STX2: variants seen among roughly 807,000 people sequenced by gnomAD.
The protein encoded by STX2 is syntaxin 2, also known as syntaxin-2.
Under a neutral mutation model 40.6 loss-of-function variants are expected in STX2, and 27 were observed. The ratio of observed to expected loss-of-function variants is 0.66; its 90% CI spans 0.49 to 0.92. STX2 has a LOEUF of 0.92. STX2 is among the 40% of genes least tolerant of loss of function. The pLI is 0.00. For synonymous variants in STX2, 123 were observed against 119.1 expected (o/e 1.03, Z -0.22); for missense variants, 328 against 366.1 (o/e 0.90, Z 0.85).
rs1337970905 is a variant in STX2 at position 130,827,350 on chromosome 12, T to TACCC, written c.31-87_31-84dup. ...GAACTGAAATACAAAAACAGTTCAA[T>TACCC]ACCCACAAGATCTCAACTCACTACA... On this transcript the variant is annotated intron_variant, in intron 1 of 10. Transcript: ENST00000392373. The TACCC allele has an allele frequency of 1.0e-5, 11 of 1,059,600 alleles. No homozygotes were observed. In the African/African-American group the frequency reaches 1.7e-4, roughly 17 times the overall value. 65.6% of individuals were successfully genotyped at this position (1,059,600 alleles called of 1,614,324 possible).
intron 3 of STX2, among the ~76,000 whole-genome samples, chr12:130,818,358 C>T (rs1408452900): frequency 6.8e-6 from 1 of 148,142 alleles, no homozygotes; most frequent in African/African-American, 2.5e-5. Flanking sequence ...GCCTGGTCGA[C>T]ACAGGGAGAC....
chr12:130,798,378 C>CA (rs1399606399), intron 9 of STX2, 147 bp downstream of exon 9: 20 of 507,194 alleles, frequency 3.9e-5, no homozygotes, highest in East Asian at 7.3e-5. Context: ...AAATTTTTAG[C>CA]AAAAAAAATT....
chr12:130,826,628 AAAC>A (rs767052518), intron 2 of STX2, among the ~76,000 whole-genome samples: 14 of 152,222 alleles, frequency 9.2e-5, no homozygotes, highest in Non-Finnish European at 1.5e-4. Flanking sequence ...TACGTAATTC[AAAC>A]AACAACTTTT....
rs1238171217 is a variant in STX2, at chr12:130,812,445, T to C, written c.280+512A>G. 3 of 418,506 alleles carry C rather than the reference T, an allele frequency of 7.2e-6. No homozygotes were observed. The Admixed American group carries it at 9.0e-5, about 13-fold the overall frequency. The allele number at this position is 418,506 out of a possible 1,614,324, so 25.9% of individuals were successfully genotyped here. A position where few individuals can be genotyped will look rare whatever the true frequency, so the allele number is the denominator to read the frequency against. ...TCTGCTTCTGCACACATCTGAAACC[T>C]GCCGTAATAAAAGTATTTTATCATC... On this transcript the variant is annotated intron_variant, in intron 4 of 10. Transcript: ENST00000392373.
intron 10 of STX2, among the ~76,000 whole-genome samples, chr12:130,794,779 G>A (rs939708540): frequency 3.9e-5 from 6 of 152,146 alleles, no homozygotes; most frequent in Non-Finnish European, 5.9e-5. Flanking sequence ...CCTTTCTGCT[G>A]TATGTTAACT....
intron 2 of STX2, among the ~76,000 whole-genome samples, chr12:130,823,271 C>T (rs1952183253): frequency 6.6e-6 from 1 of 152,164 alleles, no homozygotes; most frequent in African/African-American, 2.4e-5. Flanking sequence ...GTGACTGCAC[C>T]ACTACACTAC....
At chr12:130,825,108 C>T (rs564037560) in intron 2 of STX2, among the ~76,000 whole-genome samples, 1 of 151,482 alleles carries the variant, frequency 6.6e-6, no homozygotes, top group African/African-American at 2.4e-5. Flanking sequence ...ACAATCTCAG[C>T]TCACTGCAAC....
At chr12:130,792,020 A>T in intron 10 of STX2, 43 bp from the exon 11 acceptor site, 1 of 1,375,660 alleles carries the variant, frequency 7.3e-7, no homozygotes, top group Non-Finnish European at 1.0e-6. Flanking sequence ...GTATCAAAGA[A>T]ATCAACAATG....
Position 130,790,361 on chromosome 12 carries a change from G to A in STX2, c.*1662C>T, listed in dbSNP as rs577355677. The A allele has an allele frequency of 6.6e-6, 1 of 152,334 alleles. No homozygotes were observed. Among genetic ancestry groups the A allele is most frequent in the South Asian group, 2.1e-4 (1 of 4,826 alleles). 9.4% of individuals were successfully genotyped at this position (152,334 alleles called of 1,614,324 possible). A position where few individuals can be genotyped will look rare whatever the true frequency, so the allele number is the denominator to read the frequency against. ...CTACATTAGTTTCAAACCAAATGGT[G>A]TTAAAAGTCACATGCTTACACTACT... is the stretch of plus-strand genomic sequence containing the variant. On this transcript the variant is annotated 3_prime_UTR_variant, in exon 11 of 11. Coordinates refer to ENST00000392373, the MANE Select transcript of STX2 (RefSeq NM_194356.4).
intron 9 of STX2, 55 bp from the exon 10 acceptor site, chr12:130,796,175 C>T (rs373259653): frequency 1.7e-5 from 27 of 1,598,694 alleles, no homozygotes; most frequent in Admixed American, 3.4e-5. Flanking sequence ...CATATTGCCA[C>T]ATTAAAAGAC....
At chr12:130,802,317 A>G (rs929842440) in intron 6 of STX2, among the ~76,000 whole-genome samples, 1 of 151,312 alleles carries the variant, frequency 6.6e-6, no homozygotes, top group Non-Finnish European at 1.5e-5. Flanking sequence ...CATGCCTCTG[A>G]CCCCTGAGTG....
chr12:130,798,625 A>T lies in STX2; in HGVS notation c.686T>A (p.Ile229Asn), dbSNP rs1273125632. ...CATAACATTTCTTTCTATGTTGTTG[A>T]TCATTTCACCCTTAAAACAAAAAGT... Reference protein sequence around the residue: ...AMFVETQGEMINNIERNVMNA... With the variant: ...AMFVETQGEMNNNIERNVMNA... The change falls in exon 9 of 11, where the codon ATC becomes AAC. Residue 229 changes from isoleucine to asparagine, a missense_variant. By Grantham distance (149) the Ile-to-Asn change is moderately radical. Coordinates refer to ENST00000392373, the MANE Select transcript of STX2 (RefSeq NM_194356.4). The T allele has an allele frequency of 1.3e-6, 2 of 1,592,028 alleles. No individual in the cohort carries two copies. The highest frequency in any genetic ancestry group is 1.7e-6 in the Non-Finnish European group (2 of 1,172,862).
intron 1 of STX2, among the ~76,000 whole-genome samples, chr12:130,828,029 T>C (rs1952390819): frequency 6.6e-6 from 1 of 152,106 alleles, no homozygotes. Context: ...TCCAGCCTCC[T>C]CCCCAGCAGC....
At chr12:130,811,536 CTTTTTTTTT>C (rs71088788) in intron 4 of STX2, among the ~76,000 whole-genome samples, 2 of 95,558 alleles carry the variant, frequency 2.1e-5, no homozygotes, top group Non-Finnish European at 4.0e-5. Context: ...CCATTAACAT[CTTTTTTTTT>C]TTTTTTTTTT....
rs1951538642 is a variant in STX2 at position 130,808,823 on chromosome 12, AACAAGTG to A, written c.281-126_281-120del. ...TATCTTTATAAAACTAAAGCTAATG[AACAAGTG>A]ACCTTCTAAAACAATCTACTAAAAA... On this transcript the variant is annotated intron_variant, in intron 4 of 10. Transcript: ENST00000392373. 22 of 836,974 alleles carry A rather than the reference AACAAGTG, an allele frequency of 2.6e-5. No individual in the cohort carries two copies. In the South Asian group the frequency reaches 3.8e-4, roughly 14 times the overall value. The allele number at this position is 836,974 out of a possible 1,614,324, so 51.8% of individuals were successfully genotyped here. A position where few individuals can be genotyped will look rare whatever the true frequency, so the allele number is the denominator to read the frequency against.
Position 130,798,561 on chromosome 12 carries a change from T to G in STX2, c.750A>C (p.Thr250=). The change falls in exon 9 of 11, where the codon ACA becomes ACC. Residue 250 remains threonine (T), a synonymous_variant. Coordinates refer to ENST00000392373, the MANE Select transcript of STX2 (RefSeq NM_194356.4). ...TDYVEHAKEE[T]KKAIKYQSKA... ...TGCTCTGATATTTGATAGCTTTTTT[T>G]GTTTCTTCTTTAGCGTGTTCTACAT... is the stretch of plus-strand genomic sequence containing the variant. 1.2e-6 allele frequency: 2 copies of G among 1,607,104 alleles called. No individual in the cohort carries two copies. The highest frequency in any genetic ancestry group is 1.7e-6 in the Non-Finnish European group (2 of 1,178,230).
chr12:130,838,982 A>T (rs919562733), intron 1 of STX2, 88 bp downstream of exon 1: 23 of 425,004 alleles, frequency 5.4e-5, no homozygotes, highest in Non-Finnish European at 7.1e-5. Flanking sequence ...ACCCTCCCGG[A>T]GCCCCGCCCA....
At chr12:130,804,378 C>T (rs1951346730) in intron 6 of STX2, among the ~76,000 whole-genome samples, 1 of 152,208 alleles carries the variant, frequency 6.6e-6, no homozygotes, top group Non-Finnish European at 1.5e-5. Context: ...ATGACCGATG[C>T]TCGACTCGTG....
chr12:130,792,848 C>T (rs1950918347), intron 10 of STX2, among the ~76,000 whole-genome samples: 1 of 152,188 alleles, frequency 6.6e-6, no homozygotes, highest in Non-Finnish European at 1.5e-5. Context: ...CACTGATGGT[C>T]TGGAAGCAGG....
Sources: allele counts gnomAD v4.1 joint callset (sites outside exome capture counted in the v4.1 genomes callset), GRCh38; gene constraint gnomAD v4.1.1; transcripts MANE v1.5; gene names NCBI Gene and HGNC (gene_info 2026-07-23, HGNC 2026-07-21).